Variants in PHF21B observed in about 807,000 individuals in gnomAD.
The protein encoded by PHF21B is PHD finger protein 21B.
A neutral mutation model predicts 62.2 loss-of-function variants in PHF21B; 22 were observed. That is an observed-to-expected ratio of 0.35 (90% CI 0.25 to 0.51). The LOEUF (loss-of-function observed/expected upper bound fraction) is 0.51, where lower values mean the gene tolerates loss of function less well. PHF21B is among the 20% of genes least tolerant of loss of function. The pLI is 0.97. For synonymous variants in PHF21B, 341 were observed against 314.7 expected, an observed-to-expected ratio of 1.08 and a Z score of -0.88; for missense variants, 701 against 707.9, an observed-to-expected ratio of 0.99 and a Z score of 0.11.
intron 9 of PHF21B, among the ~76,000 whole-genome samples, chr22:44,888,594 G>A (rs147256241): frequency 4.6e-5 from 7 of 152,298 alleles, no homozygotes; most frequent in South Asian, 2.1e-4. Context: ...GAGGGGCGGC[G>A]TAGCCCCGGC....
chr22:44,908,249 T>A (rs893192598), intron 5 of PHF21B, among the ~76,000 whole-genome samples: 1 of 152,116 alleles, frequency 6.6e-6, no homozygotes, highest in Non-Finnish European at 1.5e-5. Flanking sequence ...GGCTCCCACC[T>A]CTGAGGATCA....
intron 3 of PHF21B, among the ~76,000 whole-genome samples, chr22:44,918,177 C>T (rs895087211): frequency 1.3e-5 from 2 of 152,264 alleles, no homozygotes; most frequent in African/African-American, 4.8e-5. Context: ...CGTTGGAAAA[C>T]TGCTGTTCTC....
chr22:44,974,187 G>T (rs181185057), intron 2 of PHF21B, among the ~76,000 whole-genome samples: 1 of 152,296 alleles, frequency 6.6e-6, no homozygotes, highest in Non-Finnish European at 1.5e-5. Context: ...GCCGAGGCAG[G>T]TGGATCACTT....
chr22:44,896,880 G>GTTTTTTTTTTTTTTTTTTTTTTT (rs56878868), intron 5 of PHF21B, among the ~76,000 whole-genome samples: 6 of 84,090 alleles, frequency 7.1e-5, no homozygotes, highest in African/African-American at 1.2e-4. Flanking sequence ...AGTTTTATCT[G>GTTTTTTTTTTTTTTTTTTTTTTT]TTTTTTTTTT....
At chr22:44,999,463 G>C (rs1163699403) in intron 2 of PHF21B, among the ~76,000 whole-genome samples, 1 of 152,050 alleles carries the variant, frequency 6.6e-6, no homozygotes, top group Non-Finnish European at 1.5e-5. Flanking sequence ...TAAGCCAACA[G>C]CCAGGCTCCC....
intron 2 of PHF21B, among the ~76,000 whole-genome samples, chr22:44,959,134 G>A (rs2072365667): frequency 6.6e-6 from 1 of 152,028 alleles, no homozygotes. Flanking sequence ...TTCTGTTTTG[G>A]TCTCTTCCTT....
At chr22:44,911,902 C>T (rs958955175) in intron 5 of PHF21B, among the ~76,000 whole-genome samples, 7 of 152,170 alleles carry the variant, frequency 4.6e-5, no homozygotes, top group African/African-American at 9.7e-5. Flanking sequence ...CAACACCAGC[C>T]GGTGAAAGCA....
chr22:45,005,311 G>A (rs1279242419), intron 2 of PHF21B, among the ~76,000 whole-genome samples: 1 of 152,118 alleles, frequency 6.6e-6, no homozygotes, highest in African/African-American at 2.4e-5. Flanking sequence ...CAGCTTAGCT[G>A]GCCTGGGCCT....
chr22:44,989,404 C>T (rs1455526545), intron 2 of PHF21B: 1 of 152,130 alleles, frequency 6.6e-6, no homozygotes, highest in Admixed American at 6.6e-5. Context: ...TTTTTAAACC[C>T]ATGAAACGTG....
At chr22:44,954,700 G>A (rs977225816) in intron 2 of PHF21B, among the ~76,000 whole-genome samples, 4 of 152,156 alleles carry the variant, frequency 2.6e-5, no homozygotes, top group Admixed American at 2.6e-4. Flanking sequence ...TTTAACCAAA[G>A]GCACCAACAT....
chr22:44,999,073 C>A (rs114932709), intron 2 of PHF21B, among the ~76,000 whole-genome samples: 3,216 of 152,260 alleles, frequency 0.021, 111 homozygotes, highest in African/African-American at 0.073. Context: ...CCGTATAGTA[C>A]GGCCCAATCG....
intron 5 of PHF21B, among the ~76,000 whole-genome samples, chr22:44,911,340 C>G (rs1302967393): frequency 3.3e-5 from 5 of 152,088 alleles, no homozygotes; most frequent in African/African-American, 1.2e-4. Context: ...ATGTTAATCA[C>G]CAAGACAGTG....
At chr22:44,979,748 T>C (rs74519411) in intron 2 of PHF21B, among the ~76,000 whole-genome samples, 1,687 of 152,336 alleles carry the variant, frequency 0.011, 25 homozygotes, top group African/African-American at 0.039. Context: ...CTTGTTGTCT[T>C]GCTTGTTTTT....
chr22:44,982,460 C>A (rs1410696847), intron 2 of PHF21B, among the ~76,000 whole-genome samples: 1 of 152,120 alleles, frequency 6.6e-6, no homozygotes, highest in Non-Finnish European at 1.5e-5. Flanking sequence ...CATCCGATTA[C>A]CCTAAGAGGG....
At chr22:44,938,781 G>A (rs2071898958) in intron 2 of PHF21B, among the ~76,000 whole-genome samples, 1 of 152,202 alleles carries the variant, frequency 6.6e-6, no homozygotes, top group Admixed American at 6.5e-5. Flanking sequence ...CCAGGACCAG[G>A]ATCAGGAACA....
In PHF21B at chr22:44,955,220, G is replaced by A. The variant is rs543796370; in HGVS notation, c.121-34730C>T. Among the ~76,000 whole-genome samples the A allele has an allele frequency of 2.0e-3, 304 of 152,320 alleles. 2 individuals carry two copies. The highest frequency in any genetic ancestry group is 3.9e-3 in the South Asian group (19 of 4,826). On this transcript the variant is annotated intron_variant, in intron 2 of 12. Coordinates refer to ENST00000313237, the MANE Select transcript of PHF21B (RefSeq NM_138415.5). ...AGACAAGAGCCAGCACAGCGCCTGG[G>A]AGGAGCACACAGCACCACTCCACAG...
intron 2 of PHF21B, among the ~76,000 whole-genome samples, chr22:44,992,055 C>G (rs983455145): frequency 6.6e-6 from 1 of 152,212 alleles, no homozygotes; most frequent in African/African-American, 2.4e-5. Context: ...CGTCCCTTCT[C>G]TTGACCAATG....
chr22:44,960,097 TCA>T (rs1468924749), intron 2 of PHF21B, among the ~76,000 whole-genome samples: 1 of 152,094 alleles, frequency 6.6e-6, no homozygotes, highest in Non-Finnish European at 1.5e-5. Flanking sequence ...ACGAAATGCT[TCA>T]CACAAGGCCT....
chr22:44,984,170 T>TCACCATCACCAC (rs1569273261), intron 2 of PHF21B, among the ~76,000 whole-genome samples: 1 of 145,642 alleles, frequency 6.9e-6, no homozygotes, highest in African/African-American at 2.6e-5. Context: ...ACCACCATCA[T>TCACCATCACCAC]CACCATCACA....
Sources: gnomAD v4.1 joint callset for allele counts (sites outside exome capture counted in the v4.1 genomes callset) on GRCh38, gnomAD v4.1.1 for gene constraint, MANE v1.5 for transcripts, NCBI Gene and HGNC (gene_info 2026-07-23, HGNC 2026-07-21) for gene names.